The following DCHS2 variants were observed in gnomAD, a reference collection of about 807,000 sequenced individuals.
DCHS2 encodes dachsous cadherin-related 2.
Under a neutral mutation model 182.4 loss-of-function variants are expected in DCHS2, and 142 were observed. The ratio of observed to expected loss-of-function variants is 0.78; its 90% CI spans 0.68 to 0.89. The LOEUF is 0.89. DCHS2 is among the 40% of genes least tolerant of loss of function. DCHS2 has a pLI of 0.00. For missense variants in DCHS2, 4,319 were observed against 4,198.6 expected (o/e 1.03, Z -0.79); for synonymous variants, 1,740 against 1,663.3 (o/e 1.05, Z -1.12).
In DCHS2 at chr4:154,480,822, T is replaced by C. The variant is rs190786086; in HGVS notation, c.2052+8482A>G. On this transcript the variant is annotated intron_variant, in intron 1 of 19. Coordinates refer to ENST00000357232, the MANE Select transcript of DCHS2 (RefSeq NM_001358235.2). ...TTATTTTCTTGAAATAGAGATAGGG[T>C]TTTGTTATGTTGCCCAGGCTGGCCT... Among the ~76,000 whole-genome samples, 198 of 152,222 alleles carry C rather than the reference T, an allele frequency of 1.3e-3. 1 individual carries two copies. Among genetic ancestry groups the C allele is most frequent in the African/African-American group, 4.5e-3 (186 of 41,518 alleles).
rs1192165715 is a variant in DCHS2, at chr4:154,489,831, G to A, written c.1525C>T (p.Leu509=). 6.4e-7 allele frequency: 1 copy of A among 1,551,384 alleles called. No homozygotes were observed. The highest frequency in any genetic ancestry group is 2.0e-5 in the Admixed American group (1 of 51,006). Residue 509 remains leucine (L), a synonymous_variant, in exon 1 of 20, where the codon CTG becomes TTG. Transcript: ENST00000357232. ...GGGGACCCCGCGTCCGTGGCCACCA[G>A]TAGTAACTCATACAGATCGCGGCTC... ...RESRDLYELL[L]VATDAGSPPL...
chr4:154,387,239 A>C (rs1731461411), intron 1 of DCHS2, among the ~76,000 whole-genome samples: 1 of 152,198 alleles, frequency 6.6e-6, no homozygotes, highest in Non-Finnish European at 1.5e-5. Context: ...ACCTCAAAAA[A>C]GCAGTCTAAG....
intron 16 of DCHS2, among the ~76,000 whole-genome samples, chr4:154,244,176 C>A (rs1731965591): frequency 1.3e-5 from 2 of 152,190 alleles, no homozygotes; most frequent in South Asian, 4.1e-4. Context: ...TTGTCTGCCT[C>A]TTCTGTAAGT....
intron 1 of DCHS2, among the ~76,000 whole-genome samples, chr4:154,446,498 G>A (rs1208851028): frequency 6.6e-6 from 1 of 152,176 alleles, no homozygotes; most frequent in South Asian, 2.1e-4. Context: ...CAGTTACACA[G>A]TATACTATTT....
intron 1 of DCHS2, among the ~76,000 whole-genome samples, chr4:154,382,097 A>G (rs1017509941): frequency 2.6e-5 from 4 of 152,148 alleles, no homozygotes; most frequent in African/African-American, 9.7e-5. Flanking sequence ...ACATAGACCA[A>G]TGGAACAGAA....
rs1323694402 is a variant in DCHS2, at chr4:154,235,158, C to G, written c.9494G>C (p.Gly3165Ala). 9 of 1,613,884 alleles carry G rather than the reference C, an allele frequency of 5.6e-6. No individual in the cohort carries two copies. Among genetic ancestry groups the G allele is most frequent in the African/African-American group, 1.3e-5 (1 of 74,910 alleles). ...AETAEASQTF[G>A]EGDQGEGCST... ...GCAGCCTTCCCCTTGATCTCCTTCC[C>G]CAAATGTTTGGCTGGCTTCTGCTGT... Residue 3165 changes from glycine (G) to alanine (A), a missense_variant, in exon 20 of 20, where the codon GGG (glycine) becomes GCG (alanine). By Grantham distance (60) the Gly-to-Ala change is moderately conservative. Coordinates refer to ENST00000357232, the MANE Select transcript of DCHS2 (RefSeq NM_001358235.2).
chr4:154,280,813 C>T (rs1226359839), intron 13 of DCHS2, among the ~76,000 whole-genome samples: 2 of 148,954 alleles, frequency 1.3e-5, no homozygotes, highest in Non-Finnish European at 1.5e-5. Flanking sequence ...AGGAACAAGA[C>T]AAGAATGCTC....
chr4:154,289,260 G>A (rs574435690), intron 13 of DCHS2, among the ~76,000 whole-genome samples: 11 of 151,836 alleles, frequency 7.2e-5, no homozygotes, highest in Non-Finnish European at 1.5e-4. Context: ...AAGGCATTCC[G>A]ACAGATACTA....
At chr4:154,361,855 G>A (rs886385603) in intron 3 of DCHS2, among the ~76,000 whole-genome samples, 5 of 151,864 alleles carry the variant, frequency 3.3e-5, no homozygotes, top group Non-Finnish European at 7.4e-5. Context: ...ATAGATCAAT[G>A]AGAAATCTTT....
chr4:154,476,721 G>A (rs1735698413), intron 1 of DCHS2, among the ~76,000 whole-genome samples: 2 of 152,174 alleles, frequency 1.3e-5, no homozygotes, highest in African/African-American at 2.4e-5. Flanking sequence ...TAATGAGCAG[G>A]GAAGCAGATA....
rs767820120 is a variant in DCHS2, at chr4:154,491,077, C to T, written c.279G>A (p.Ala93=). The change falls in exon 1 of 20, where the codon GCG becomes GCA. Residue 93 remains alanine (A), a synonymous_variant. Coordinates refer to ENST00000357232, the MANE Select transcript of DCHS2 (RefSeq NM_001358235.2). ...AGAAGCCGCTCCCCTCCTGCTGCTG[C>T]GCGGCCGGCAGCCCGGCGCGGATGT... ...VGDIRAGLPA[A]QQQEGSGFFL... 7.3e-5 allele frequency: 114 copies of T among 1,551,298 alleles called. 1 individual carries two copies. The South Asian group carries it at 1.2e-3, about 17-fold the overall frequency.
At chr4:154,402,723 G>A (rs568949608) in intron 1 of DCHS2, among the ~76,000 whole-genome samples, 4 of 152,118 alleles carry the variant, frequency 2.6e-5, no homozygotes, top group Non-Finnish European at 5.9e-5. Flanking sequence ...TAAGACTTTG[G>A]GGAACTGTTG....
Position 154,390,987 on chromosome 4 carries a change from A to G in DCHS2, c.2053-13543T>C, listed in dbSNP as rs559661471. Among the ~76,000 whole-genome samples the G allele has an allele frequency of 1.1e-3, 161 of 152,364 alleles. 2 individuals are homozygous for G. Among genetic ancestry groups the G allele is most frequent in the African/African-American group, 3.8e-3 (160 of 41,590 alleles). Reference sequence around the variant, plus strand: ...ATAGATATTGATAACGTCTAATACCATAAAACTTTAAATGACAAACAAATT... The same window carrying G: ...ATAGATATTGATAACGTCTAATACCGTAAAACTTTAAATGACAAACAAATT... On this transcript the variant is annotated intron_variant, in intron 1 of 19. Transcript: ENST00000357232.
chr4:154,418,002 A>C (rs1178425221), intron 1 of DCHS2, among the ~76,000 whole-genome samples: 1 of 152,200 alleles, frequency 6.6e-6, no homozygotes, highest in Non-Finnish European at 1.5e-5. Context: ...TCCTTAAATG[A>C]TATTAGTAGG....
rs764682863 is a variant in DCHS2 at position 154,333,322 on chromosome 4, G to A, written c.2886C>T (p.Ser962=). The A allele has an allele frequency of 1.7e-5, 27 of 1,614,096 alleles. No homozygotes were observed. Among genetic ancestry groups the A allele is most frequent in the Non-Finnish European group, 2.3e-5 (27 of 1,180,048 alleles). The part of the protein sequence containing the change: ...AQLGSAPACS[S]TEVNITVMDV... ...CCATGACTGTTATGTTGACCTCGGT[G>A]CTGCTGCAGGCTGGGGCGCTGCCGA... The change falls in exon 5 of 20, where the codon AGC becomes AGT. Residue 962 remains serine (S), a synonymous_variant. Coordinates refer to ENST00000357232, the MANE Select transcript of DCHS2 (RefSeq NM_001358235.2).
intron 13 of DCHS2, among the ~76,000 whole-genome samples, chr4:154,283,388 T>C (rs1734244273): frequency 6.6e-6 from 1 of 151,890 alleles, no homozygotes; most frequent in Non-Finnish European, 1.5e-5. Context: ...TAAACTTATT[T>C]GCTTTTGTGA....
At chr4:154,393,909 A>C (rs1047286838) in intron 1 of DCHS2, among the ~76,000 whole-genome samples, 1 of 152,160 alleles carries the variant, frequency 6.6e-6, no homozygotes, top group East Asian at 1.9e-4. Context: ...TATGTATATA[A>C]ATATTTATGA....
chr4:154,484,263 T>C (rs1200188005), intron 1 of DCHS2, among the ~76,000 whole-genome samples: 1 of 152,208 alleles, frequency 6.6e-6, no homozygotes, highest in Non-Finnish European at 1.5e-5. Context: ...ATATGTGTTA[T>C]TACAAGAGAC....
intron 1 of DCHS2, among the ~76,000 whole-genome samples, chr4:154,465,889 AC>A: frequency 6.6e-6 from 1 of 152,178 alleles, no homozygotes. Context: ...AACCAGGAAT[AC>A]AAAGAAAAAA....
Sources: gnomAD v4.1 joint callset for allele counts (sites outside exome capture counted in the v4.1 genomes callset) on GRCh38, gnomAD v4.1.1 for gene constraint, MANE v1.5 for transcripts, NCBI Gene and HGNC (gene_info 2026-07-23, HGNC 2026-07-21) for gene names.